Variants in HPSE2 observed in about 807,000 individuals in gnomAD.
The protein encoded by HPSE2 is inactive heparanase-2.
A neutral mutation model predicts 60.5 loss-of-function variants in HPSE2; 38 were observed. The observed-to-expected ratio is 0.63, with a 90% CI of 0.48 to 0.82. HPSE2 has a LOEUF of 0.82. HPSE2 is among the 40% of genes least tolerant of loss of function. The probability of loss-of-function intolerance (pLI) is 0.00; values close to 1 mark genes in which losing one functional copy is unlikely to be tolerated. For synonymous variants in HPSE2, 295 were observed against 293.2 expected (o/e 1.01, Z -0.06); for missense variants, 713 against 740.4 (o/e 0.96, Z 0.43).
intron 9 of HPSE2, among the ~76,000 whole-genome samples, chr10:98,569,319 C>G (rs534707): frequency 2.0e-5 from 3 of 151,978 alleles, no homozygotes; most frequent in Admixed American, 6.5e-5. Context: ...CCTTGGCCCC[C>G]CAAAGTGCTG....
chr10:99,182,537 T>C (rs1251577910), intron 2 of HPSE2, among the ~76,000 whole-genome samples: 1 of 152,142 alleles, frequency 6.6e-6, no homozygotes, highest in Admixed American at 6.6e-5. Flanking sequence ...TATAAAAAGA[T>C]CCAAAGTAAT....
At chr10:98,697,014 A>G (rs1948241408) in intron 5 of HPSE2, among the ~76,000 whole-genome samples, 1 of 152,010 alleles carries the variant, frequency 6.6e-6, no homozygotes, top group African/African-American at 2.4e-5. Flanking sequence ...TCAAAGATTG[A>G]TAGTAGACAA....
intron 7 of HPSE2, 21 bp from the exon 8 acceptor site, chr10:98,620,729 G>A (rs761156457): frequency 2.4e-5 from 37 of 1,528,714 alleles, no homozygotes; most frequent in Non-Finnish European, 3.2e-5. Flanking sequence ...AACAAAAGCA[G>A]AAGGGGATAA....
intron 3 of HPSE2, among the ~76,000 whole-genome samples, chr10:98,887,970 T>A (rs1375432431): frequency 6.6e-6 from 1 of 151,382 alleles, no homozygotes; most frequent in Non-Finnish European, 1.5e-5. Context: ...AAAGAAAGAA[T>A]AAGACCTACT....
chr10:98,950,240 G>A (rs1386564877), intron 3 of HPSE2, among the ~76,000 whole-genome samples: 1 of 152,110 alleles, frequency 6.6e-6, no homozygotes, highest in African/African-American at 2.4e-5. Context: ...TAGCCTATAT[G>A]AAGTGATAAC....
chr10:99,276,994 C>A, the HPSE2 span, among the ~76,000 whole-genome samples: 1 of 152,190 alleles, frequency 6.6e-6, no homozygotes, highest in Admixed American at 6.5e-5. Flanking sequence ...ATTACCCAGT[C>A]ATAAGCTAAA....
Position 98,938,449 on chromosome 10 carries a change from C to G in HPSE2, c.611-194393G>C, listed in dbSNP as rs1394685259. On this transcript the variant is annotated intron_variant, in intron 3 of 11. Coordinates refer to ENST00000370552, the MANE Select transcript of HPSE2 (RefSeq NM_021828.5). ...GAGAACTACGTGAAGAATGCAGAAG[C>G]CTCAGGAGCCAATGTGATCAACTGG... 1.4e-5 allele frequency among the ~76,000 whole-genome samples: 2 copies of G among 143,804 alleles called. 1 individual carries two copies. The highest frequency in any genetic ancestry group is 5.7e-5 in the African/African-American group (2 of 35,266). The allele number at this position is 143,804 out of a possible 152,430, so 94.3% of individuals were successfully genotyped here. A position where few individuals can be genotyped will look rare whatever the true frequency, so the allele number is the denominator to read the frequency against.
intron 9 of HPSE2, among the ~76,000 whole-genome samples, chr10:98,602,845 A>G (rs769695742): frequency 6.6e-6 from 1 of 152,218 alleles, no homozygotes; most frequent in African/African-American, 2.4e-5. Flanking sequence ...AGCTACAACT[A>G]TACAAATTCT....
chr10:98,947,001 T>A (rs971433358), intron 3 of HPSE2, among the ~76,000 whole-genome samples: 10 of 144,622 alleles, frequency 6.9e-5, no homozygotes. Flanking sequence ...ATGGGGCCCA[T>A]AAGGAGTGCC....
Position 98,997,462 on chromosome 10 carries a change from G to C in HPSE2, c.610+146776C>G, listed in dbSNP as rs568989736. Among the ~76,000 whole-genome samples, 9 of 152,232 alleles carry C rather than the reference G, an allele frequency of 5.9e-5. No homozygotes were observed. The South Asian group carries it at 1.9e-3, about 32-fold the overall frequency. On this transcript the variant is annotated intron_variant, in intron 3 of 11. Transcript: ENST00000370552. The stretch of plus-strand genomic sequence containing the variant: ...CACTCAATGCAATGACTACATCTTA[G>C]AGGCCTTTGATTAGAAGGCTTGTTA...
chr10:99,177,359 C>T (rs1041947044), intron 2 of HPSE2, among the ~76,000 whole-genome samples: 2 of 152,060 alleles, frequency 1.3e-5, no homozygotes, highest in African/African-American at 2.4e-5. Context: ...CATCAGTGTG[C>T]TGTATTCAGG....
At chr10:99,049,508 G>C (rs1957940986) in intron 3 of HPSE2, among the ~76,000 whole-genome samples, 1 of 151,942 alleles carries the variant, frequency 6.6e-6, no homozygotes, top group African/African-American at 2.4e-5. Context: ...GTAAACTTTT[G>C]AAAGCAAGAG....
At position 98,675,302 on chromosome 10, in the gene HPSE2, A is replaced by T. The variant is rs188730502; in HGVS notation, c.1004+18598T>A. Among the ~76,000 whole-genome samples, 4 of 152,298 alleles carry T rather than the reference A, an allele frequency of 2.6e-5. No homozygotes were observed. In the East Asian group the frequency reaches 7.7e-4, roughly 29 times the overall value. On this transcript the variant is annotated intron_variant, in intron 6 of 11. Coordinates refer to ENST00000370552, the MANE Select transcript of HPSE2 (RefSeq NM_021828.5). The stretch of plus-strand genomic sequence containing the variant: ...TCTATTTTACAAATGTAAAAGCTGA[A>T]ATTCAGTGCAATAAATGACTTGTCC...
chr10:98,635,460 A>T (rs537882536), intron 7 of HPSE2, among the ~76,000 whole-genome samples: 4 of 152,310 alleles, frequency 2.6e-5, no homozygotes, highest in African/African-American at 9.6e-5. Flanking sequence ...ACAATAGTCA[A>T]GTTATGAAAT....
chr10:98,588,361 A>G (rs991606174), intron 9 of HPSE2, among the ~76,000 whole-genome samples: 1 of 152,166 alleles, frequency 6.6e-6, no homozygotes, highest in Admixed American at 6.5e-5. Context: ...GAGAAACTGA[A>G]AGACAGGCAT....
intron 3 of HPSE2, among the ~76,000 whole-genome samples, chr10:99,118,926 G>A (rs572035158): frequency 2.2e-4 from 34 of 152,066 alleles, no homozygotes; most frequent in Non-Finnish European, 4.7e-4. Context: ...TGAGGCAGGA[G>A]ACTCACTGGA....
At chr10:98,843,566 A>G (rs1951968484) in intron 3 of HPSE2, among the ~76,000 whole-genome samples, 1 of 152,218 alleles carries the variant, frequency 6.6e-6, no homozygotes, top group East Asian at 1.9e-4. Context: ...AAGCTACAAC[A>G]TAAAGACTAT....
At chr10:98,592,407 C>G (rs972556632) in intron 9 of HPSE2, among the ~76,000 whole-genome samples, 3 of 152,168 alleles carry the variant, frequency 2.0e-5, no homozygotes, top group African/African-American at 7.2e-5. Flanking sequence ...GGTTCTCCCT[C>G]AAACAAAAAT....
At chr10:99,102,260 G>A (rs1844031590) in intron 3 of HPSE2, among the ~76,000 whole-genome samples, 1 of 151,998 alleles carries the variant, frequency 6.6e-6, no homozygotes, top group Non-Finnish European at 1.5e-5. Flanking sequence ...AGAAAAGAGA[G>A]AAGAATCAAA....
Sources: gnomAD v4.1 joint callset for allele counts (sites outside exome capture counted in the v4.1 genomes callset) on GRCh38, gnomAD v4.1.1 for gene constraint, MANE v1.5 for transcripts, NCBI Gene and HGNC (gene_info 2026-07-23, HGNC 2026-07-21) for gene names.